PRKD2: variants seen among roughly 807,000 people sequenced by gnomAD.
PRKD2 encodes the protein serine/threonine-protein kinase D2.
PRKD2 carries 22 observed loss-of-function variants against 86.0 expected under a neutral mutation model. The ratio of observed to expected loss-of-function variants is 0.26; its 90% CI spans 0.18 to 0.37. The LOEUF (loss-of-function observed/expected upper bound fraction) is 0.37, where lower values mean the gene tolerates loss of function less well. Ranked by LOEUF, PRKD2 falls within the 10% of genes least tolerant of loss-of-function variation. The probability of loss-of-function intolerance (pLI) is 1.00; values close to 1 mark genes in which losing one functional copy is unlikely to be tolerated. For missense variants in PRKD2, 818 were observed against 1,199.2 expected (o/e 0.68, Z 4.70); for synonymous variants, 509 against 510.9 (o/e 1.00, Z 0.05).
intron 7 of PRKD2, 145 bp downstream of exon 7, chr19:46,700,654 T>C: frequency 2.8e-6 from 3 of 1,057,800 alleles, no homozygotes; most frequent in Non-Finnish European, 2.6e-6. Context: ...TTAAAAAAAA[T>C]TGTAGTGCTT....
chr19:46,681,340 C>A (rs2122576246), intron 15 of PRKD2, among the ~76,000 whole-genome samples: 1 of 151,470 alleles, frequency 6.6e-6, no homozygotes, highest in East Asian at 2.0e-4. Flanking sequence ...CTGCAGCCAC[C>A]AACTCCTGGG....
chr19:46,695,287 C>G (rs549792881), intron 9 of PRKD2, among the ~76,000 whole-genome samples: 13 of 152,304 alleles, frequency 8.5e-5, no homozygotes, highest in Admixed American at 2.0e-4. Context: ...GAGTTCGAGA[C>G]CCGCCTGACC....
In PRKD2 at chr19:46,678,134, C is replaced by G. The variant is rs190846547; in HGVS notation, c.2338+262G>C. Among the ~76,000 whole-genome samples, 7 of 152,180 alleles carry G rather than the reference C, an allele frequency of 4.6e-5. No individual in the cohort carries two copies. Among genetic ancestry groups the G allele is most frequent in the Non-Finnish European group, 8.8e-5 (6 of 68,034 alleles). On this transcript the variant is annotated intron_variant, in intron 16 of 17. Transcript: ENST00000291281. This position sits in a 1 kb window ranked among gnomAD's most constrained non-coding sequence, Gnocchi z 5.7. ...GACAAGCCAAGTCTCACTCAGCCCCCCTAAGGTTCCAAGTGTCCTCAGCGC... is the reference window on the plus strand; with the variant it reads ...GACAAGCCAAGTCTCACTCAGCCCCGCTAAGGTTCCAAGTGTCCTCAGCGC...
intron 16 of PRKD2, chr19:46,677,425 TATAA>T (rs2053225109): frequency 6.6e-6 from 1 of 152,016 alleles, no homozygotes; most frequent in African/African-American, 2.4e-5. Flanking sequence ...AATAAATGGT[TATAA>T]ATAAATGAAT....
At chr19:46,685,160 G>A (rs1256973480) in intron 14 of PRKD2, among the ~76,000 whole-genome samples, 2 of 151,112 alleles carry the variant, frequency 1.3e-5, no homozygotes, top group Admixed American at 1.3e-4. Flanking sequence ...TCAGGAGGCT[G>A]AGGTGGGACA....
At chr19:46,714,072 C>A in intron 1 of PRKD2, 71 bp from the exon 2 acceptor site, 1 of 1,552,852 alleles carries the variant, frequency 6.4e-7, no homozygotes, top group Non-Finnish European at 8.7e-7. Context: ...GGACTGTGAC[C>A]CTCCCAGGGC....
Position 46,704,357 on chromosome 19 carries a change from G to A in PRKD2, c.701C>T (p.Pro234Leu). The A allele has an allele frequency of 6.2e-7, 1 of 1,614,144 alleles. No individual in the cohort carries two copies. Among genetic ancestry groups the A allele is most frequent in the East Asian group, 2.2e-5 (1 of 44,890 alleles). ...RSTTELLPRR[P>L]PSSSSSSSAS... ...AGAAGAGGAGGAAGAGGATGACGGG[G>A]GACGGCGAGGCAGGAGTTCGGTGGT... Residue 234 changes from proline to leucine, a missense_variant, in exon 5 of 18, where the codon CCC becomes CTC. Transcript: ENST00000291281.
At chr19:46,679,948 G>A (rs1426346258) in intron 15 of PRKD2, among the ~76,000 whole-genome samples, 2 of 152,050 alleles carry the variant, frequency 1.3e-5, no homozygotes, top group Non-Finnish European at 2.9e-5. Context: ...GTTAATGGCT[G>A]CAGTCTAAGG....
At chr19:46,694,986 G>A (rs1599826279) in intron 9 of PRKD2, among the ~76,000 whole-genome samples, 1 of 148,830 alleles carries the variant, frequency 6.7e-6, no homozygotes, top group East Asian at 2.0e-4. Context: ...CAGATCGCTG[G>A]AGCCCAGGAG....
intron 14 of PRKD2, among the ~76,000 whole-genome samples, chr19:46,683,897 G>A (rs2053353842): frequency 6.6e-6 from 1 of 151,870 alleles, no homozygotes; most frequent in South Asian, 2.1e-4. Context: ...CTTAAATAAA[G>A]CTTCTCCTGC....
At chr19:46,686,430 G>T (rs1400413102) in intron 14 of PRKD2, among the ~76,000 whole-genome samples, 1 of 149,628 alleles carries the variant, frequency 6.7e-6, no homozygotes, top group Non-Finnish European at 1.5e-5. Context: ...GAGCCCAGGA[G>T]TTCAAGACCA....
Position 46,693,915 on chromosome 19 carries a change from G to T in PRKD2, c.1536C>A (p.Ile512=). The change falls in exon 10 of 18, where the codon ATC becomes ATA. Residue 512 remains isoleucine (I), a synonymous_variant. Transcript: ENST00000291281. This position sits in a 1 kb window ranked among gnomAD's most constrained non-coding sequence, Gnocchi z 4.5. ...CTGGGGCGCTGGGTGCGTCCTGAAG[G>T]ATGACGGGCATCAGGGCCTGGCGGA... is the stretch of plus-strand genomic sequence containing the variant. ...TAIRQALMPV[I]LQDAPSAPGH... 6.2e-7 allele frequency: 1 copy of T among 1,609,594 alleles called. No homozygotes were observed.
rs573130940 is a variant in PRKD2 at position 46,704,763 on chromosome 19, C to T, written c.512-114G>A. On this transcript the variant is annotated intron_variant, in intron 3 of 17. Coordinates refer to ENST00000291281, the MANE Select transcript of PRKD2 (RefSeq NM_016457.5). The stretch of plus-strand genomic sequence containing the variant: ...CACCTGGTCCTGTCCCATCACCCCC[C>T]GCCAGCACGATCTCCTCCAAAAGGC... 9 of 1,341,090 alleles carry T rather than the reference C, an allele frequency of 6.7e-6. No homozygotes were observed. In the African/African-American group the frequency reaches 1.3e-4, roughly 20 times the overall value. 83.1% of individuals were successfully genotyped at this position (1,341,090 alleles called of 1,614,324 possible). A position where few individuals can be genotyped will look rare whatever the true frequency, so the allele number is the denominator to read the frequency against.
At chr19:46,714,058 G>A (rs1250504172) in intron 1 of PRKD2, 57 bp from the exon 2 acceptor site, 2 of 1,589,436 alleles carry the variant, frequency 1.3e-6, no homozygotes, top group Non-Finnish European at 1.7e-6. Context: ...CTTCAGCAGC[G>A]GGCGGACTGT....
At chr19:46,702,170 C>T (rs1161073474) in intron 5 of PRKD2, among the ~76,000 whole-genome samples, 4 of 151,798 alleles carry the variant, frequency 2.6e-5, no homozygotes, top group Admixed American at 2.0e-4. Flanking sequence ...TCCTGAGTAG[C>T]TGAAACTACA....
At chr19:46,677,888 A>G (rs559884145) in intron 16 of PRKD2, among the ~76,000 whole-genome samples, 6 of 152,234 alleles carry the variant, frequency 3.9e-5, no homozygotes, top group Non-Finnish European at 8.8e-5. Flanking sequence ...CTTCAGGCCC[A>G]TCTTCACCCA....
chr19:46,692,306 C>G (rs1385697983), intron 10 of PRKD2, among the ~76,000 whole-genome samples: 2 of 152,058 alleles, frequency 1.3e-5, no homozygotes, highest in African/African-American at 4.8e-5. Context: ...GCAGACTGAC[C>G]CCATTGTACA....
At chr19:46,700,373 C>T (rs76406046) in intron 7 of PRKD2, among the ~76,000 whole-genome samples, 125 of 152,090 alleles carry the variant, frequency 8.2e-4, no homozygotes, top group African/African-American at 2.8e-3. Context: ...GGCAACAAAG[C>T]AAGACCCTTT....
In PRKD2 at chr19:46,694,074, C is replaced by T. The variant is rs61739905; in HGVS notation, c.1377G>A (p.Pro459=). Reference sequence around the variant, plus strand: ...CAAAGCAGTGTGGGTTGGTGCCCGGCGGCACAAGGCTGAAGTTCTGGGCGG... The same window carrying T: ...CAAAGCAGTGTGGGTTGGTGCCCGGTGGCACAAGGCTGAAGTTCTGGGCGG... ...VESAQNFSLV[P]PGTNPHCFEI... The change falls in exon 10 of 18, where the codon CCG becomes CCA. Residue 459 remains proline, a synonymous_variant. Transcript: ENST00000291281. 52 of 1,614,124 alleles carry T rather than the reference C, an allele frequency of 3.2e-5. No individual in the cohort carries two copies. The African/African-American group carries it at 3.7e-4, about 12-fold the overall frequency.
Sources: gnomAD v4.1 joint callset for allele counts (sites outside exome capture counted in the v4.1 genomes callset) on GRCh38, gnomAD v4.1.1 for gene constraint, Gnocchi (gnomAD v3.1) non-coding constraint, MANE v1.5 for transcripts, NCBI Gene and HGNC (gene_info 2026-07-23, HGNC 2026-07-21) for gene names.